CCDC30: variants seen among roughly 807,000 people sequenced by gnomAD.
The protein encoded by CCDC30 is coiled-coil domain containing 30.
A neutral mutation model predicts 100.2 loss-of-function variants in CCDC30; 70 were observed. The observed-to-expected ratio is 0.70, with a 90% confidence interval of 0.58 to 0.85. The LOEUF (loss-of-function observed/expected upper bound fraction) is 0.85. Among genes scored for constraint, CCDC30 ranks in the 40% least tolerant of loss-of-function variants. The pLI is 0.00. For missense variants in CCDC30, 652 were observed against 771.2 expected, an observed-to-expected ratio of 0.85 and a Z score of 1.83; for synonymous variants, 233 against 269.5, an observed-to-expected ratio of 0.86 and a Z score of 1.33.
At position 42,525,067 on chromosome 1, in the gene CCDC30, T is replaced by C. The variant is rs564784654; in HGVS notation, c.456+26151T>C. On this transcript the variant is annotated intron_variant, in intron 6 of 16. Transcript: ENST00000668663. ...ATCTTTGTTTTTCTATATTTACTAT[T>C]TCTTTTTTCTCTGGCATTTATGAAA... 2.0e-4 allele frequency among the ~76,000 whole-genome samples: 30 copies of C among 152,332 alleles called. No homozygotes were observed. In the East Asian group the frequency reaches 5.6e-3, roughly 28 times the overall value.
chr1:42,456,427 G>A, the CCDC30 span: 4 of 926,180 alleles, frequency 4.3e-6, no homozygotes, highest in East Asian at 8.5e-5. Context: ...TTCCAGACTT[G>A]GCGAGATCGG....
intron 6 of CCDC30, among the ~76,000 whole-genome samples, chr1:42,523,392 G>C (rs1323265941): frequency 3.9e-5 from 6 of 152,102 alleles, no homozygotes; most frequent in African/African-American, 1.4e-4. Flanking sequence ...TTTCCTGTTA[G>C]AATTTAGAAT....
intron 11 of CCDC30, among the ~76,000 whole-genome samples, chr1:42,630,044 A>C (rs1365105428): frequency 7.5e-6 from 1 of 132,800 alleles, no homozygotes; most frequent in Non-Finnish European, 1.5e-5. Flanking sequence ...CCGCAATCTC[A>C]GCTAACTGCA....
chr1:42,558,173 T>G (rs1247476339), intron 6 of CCDC30: 1 of 265,970 alleles, frequency 3.8e-6, no homozygotes, highest in Non-Finnish European at 8.0e-6. Flanking sequence ...TGAGAAGAAC[T>G]ACTGTTCTGG....
At chr1:42,621,133 T>G (rs1448650218) in intron 11 of CCDC30, among the ~76,000 whole-genome samples, 2 of 152,032 alleles carry the variant, frequency 1.3e-5, no homozygotes, top group African/African-American at 4.8e-5. Context: ...AAGTGGATTT[T>G]TAAACAAAAA....
chr1:42,478,016 C>T (rs772008750), intron 1 of CCDC30, among the ~76,000 whole-genome samples: 8 of 152,124 alleles, frequency 5.3e-5, no homozygotes, highest in Non-Finnish European at 7.4e-5. Context: ...ATGGTGAAAC[C>T]GTATGCTAAA....
At chr1:42,583,770 G>A (rs1040981028) in intron 9 of CCDC30, among the ~76,000 whole-genome samples, 2 of 152,122 alleles carry the variant, frequency 1.3e-5, no homozygotes, top group Non-Finnish European at 2.9e-5. Flanking sequence ...AGTCTGTATG[G>A]CGTCATCTTT....
chr1:42,545,193 AT>A (rs1360383531), intron 6 of CCDC30, among the ~76,000 whole-genome samples: 3 of 141,960 alleles, frequency 2.1e-5, no homozygotes, highest in African/African-American at 7.7e-5. Context: ...AAAAAAGGGA[AT>A]TTACATACCC....
At chr1:42,588,847 C>T (rs546112659) in intron 9 of CCDC30, among the ~76,000 whole-genome samples, 5 of 152,140 alleles carry the variant, frequency 3.3e-5, no homozygotes, top group Admixed American at 6.5e-5. Context: ...GTTCCTTTAC[C>T]CTCTTTTGGA....
chr1:42,509,222 C>T (rs1302945659), intron 6 of CCDC30, among the ~76,000 whole-genome samples: 1 of 152,158 alleles, frequency 6.6e-6, no homozygotes. Context: ...ATAGGCTGAA[C>T]CAACTCTGGA....
At chr1:42,517,890 G>C (rs1225891935) in intron 6 of CCDC30, among the ~76,000 whole-genome samples, 1 of 152,140 alleles carries the variant, frequency 6.6e-6, no homozygotes, top group Non-Finnish European at 1.5e-5. Flanking sequence ...AGTAAGTTTT[G>C]AAATCAGAAA....
rs531567644 is a variant in CCDC30, at chr1:42,505,867, G to A, written c.456+6951G>A. ...AATATGAGGCTAGTCTTCCCCAAAGGGCTTTTATTGGCTCTTCAAGTCAAG... is the reference window on the plus strand; with the variant it reads ...AATATGAGGCTAGTCTTCCCCAAAGAGCTTTTATTGGCTCTTCAAGTCAAG... On this transcript the variant is annotated intron_variant, in intron 6 of 16. Transcript: ENST00000668663. Among the ~76,000 whole-genome samples the A allele has an allele frequency of 2.1e-4, 32 of 152,250 alleles. No individual in the cohort carries two copies. In the South Asian group the frequency reaches 6.4e-3, roughly 31 times the overall value.
At chr1:42,523,036 G>T (rs1454340998) in intron 6 of CCDC30, among the ~76,000 whole-genome samples, 1 of 151,842 alleles carries the variant, frequency 6.6e-6, no homozygotes, top group Admixed American at 6.6e-5. Flanking sequence ...CACCATGTTG[G>T]CTAGGCTGGT....
chr1:42,487,319 G>A (rs1304992843), intron 3 of CCDC30, among the ~76,000 whole-genome samples: 2 of 152,072 alleles, frequency 1.3e-5, no homozygotes, highest in African/African-American at 4.8e-5. Flanking sequence ...TATGTAAACT[G>A]TACCTCAAAG....
At chr1:42,546,401 T>A (rs6143203) in intron 6 of CCDC30, among the ~76,000 whole-genome samples, 317 of 1,912 alleles carry the variant, frequency 0.17, 82 homozygotes, top group African/African-American at 0.19. Flanking sequence ...AAAAAAAAAA[T>A]ATATATATAT....
intron 8 of CCDC30, 93 bp downstream of exon 12, chr1:42,577,322 G>A (rs1645860910): frequency 2.5e-6 from 2 of 811,064 alleles, no homozygotes; most frequent in East Asian, 2.7e-5. Context: ...ATATGATGCA[G>A]ACTTGATAGA....
At chr1:42,490,038 A>G (rs77753840) in intron 3 of CCDC30, 120 bp from the exon 4 acceptor site, 6,376 of 367,736 alleles carry the variant, frequency 0.017, 390 homozygotes, top group African/African-American at 0.12. Flanking sequence ...ACATTTAAGC[A>G]GAAACTCCTA....
At chr1:42,475,412 A>AT (rs1643871946) in intron 1 of CCDC30, among the ~76,000 whole-genome samples, 1 of 152,114 alleles carries the variant, frequency 6.6e-6, no homozygotes, top group Non-Finnish European at 1.5e-5. Flanking sequence ...GAAGAGAAGC[A>AT]TTTTTTCATG....
intron 1 of CCDC30, among the ~76,000 whole-genome samples, chr1:42,469,554 G>T (rs914212514): frequency 3.3e-5 from 5 of 152,158 alleles, no homozygotes; most frequent in African/African-American, 1.2e-4. Context: ...GATGTCTTGA[G>T]CTGAGGACAA....
Sources: allele counts gnomAD v4.1 joint callset (sites outside exome capture counted in the v4.1 genomes callset), GRCh38; gene constraint gnomAD v4.1.1; transcripts MANE v1.5; gene names NCBI Gene and HGNC (gene_info 2026-07-23, HGNC 2026-07-21).